The following PACS1 variants were observed in gnomAD, a reference collection of about 807,000 sequenced individuals.
PACS1 encodes the protein phosphofurin acidic cluster sorting protein 1.
PACS1 carries 24 observed loss-of-function variants against 115.0 expected under a neutral mutation model. The ratio of observed to expected loss-of-function variants is 0.21; its 90% CI spans 0.15 to 0.29. PACS1 has a LOEUF of 0.29. Ranked by LOEUF, PACS1 falls within the 10% of genes least tolerant of loss-of-function variation. The pLI, the probability that PACS1 is intolerant of heterozygous loss-of-function variation, is 1.00. For synonymous variants in PACS1, 453 were observed against 504.5 expected, an observed-to-expected ratio of 0.90 and a Z score of 1.37; for missense variants, 838 against 1,251.2, an observed-to-expected ratio of 0.67 and a Z score of 4.98.
intron 2 of PACS1, among the ~76,000 whole-genome samples, chr11:66,196,024 A>G (rs1393227746): frequency 5.3e-5 from 8 of 152,224 alleles, no homozygotes; most frequent in Admixed American, 2.0e-4. Flanking sequence ...AATGCCCCCA[A>G]TGTCCCAGAG....
At position 66,070,300 on chromosome 11, in the gene PACS1, G is replaced by A. The variant is rs2134485693; in HGVS notation, c.-187G>A. 5.5e-6 allele frequency: 1 copy of A among 181,144 alleles called. No homozygotes were observed. The highest frequency in any genetic ancestry group is 1.1e-5 in the Non-Finnish European group (1 of 90,326). The allele number at this position is 181,144 out of a possible 1,614,324, so 11.2% of individuals were successfully genotyped here. On this transcript the variant is annotated 5_prime_UTR_variant, in exon 1 of 24. Transcript: ENST00000320580. This position sits in a 1 kb window ranked among gnomAD's most constrained non-coding sequence, Gnocchi z 5.9. ...CGTGTCGGCCTCGCGAGCCGCAACA[G>A]GCAGCGGCGGTCGAGCGCGAGGCCC...
intron 1 of PACS1, among the ~76,000 whole-genome samples, chr11:66,094,695 A>G (rs1486958697): frequency 2.0e-5 from 3 of 152,172 alleles, no homozygotes; most frequent in Non-Finnish European, 4.4e-5. Context: ...AACTCATTTT[A>G]TGAGGCCAGC....
intron 1 of PACS1, among the ~76,000 whole-genome samples, chr11:66,072,874 G>A (rs1201186394): frequency 6.6e-6 from 1 of 152,230 alleles, no homozygotes; most frequent in African/African-American, 2.4e-5. Flanking sequence ...CTGCAGCAGA[G>A]GGGCGTGAAT....
intron 1 of PACS1, among the ~76,000 whole-genome samples, chr11:66,085,514 A>C (rs1246535367): frequency 1.3e-5 from 2 of 152,224 alleles, no homozygotes. Context: ...TGAAAATGAC[A>C]GCTGGGTTTT....
chr11:66,118,946 A>G (rs557749616), intron 1 of PACS1, among the ~76,000 whole-genome samples: 2 of 152,332 alleles, frequency 1.3e-5, no homozygotes, highest in South Asian at 4.1e-4. Context: ...AGACAATTGA[A>G]TAATCAACCA....
intron 1 of PACS1, among the ~76,000 whole-genome samples, chr11:66,168,657 A>G (rs1339491951): frequency 2.0e-5 from 3 of 150,224 alleles, no homozygotes; most frequent in Non-Finnish European, 4.4e-5. Context: ...ATAGGGGCAT[A>G]TAGTAAATGC....
chr11:66,220,351 A>G (rs563579984), intron 8 of PACS1: 1 of 432,736 alleles, frequency 2.3e-6, no homozygotes, highest in Admixed American at 3.8e-5. Flanking sequence ...GGGTAGGAAG[A>G]ACCCACATGG....
At chr11:66,194,926 C>CA (rs1854615811) in intron 2 of PACS1, among the ~76,000 whole-genome samples, 1 of 152,012 alleles carries the variant, frequency 6.6e-6, no homozygotes, top group African/African-American at 2.4e-5. Context: ...ATTTAGTTCT[C>CA]AAAACTTAAA....
chr11:66,135,597 G>A (rs555831362), intron 1 of PACS1, among the ~76,000 whole-genome samples: 3 of 151,632 alleles, frequency 2.0e-5, no homozygotes, highest in African/African-American at 7.3e-5. Flanking sequence ...CTGTGCACAG[G>A]TTCAGCATGT....
intron 1 of PACS1, among the ~76,000 whole-genome samples, chr11:66,128,844 A>G (rs1413483633): frequency 6.6e-6 from 1 of 151,204 alleles, no homozygotes; most frequent in South Asian, 2.1e-4. Context: ...AGATCGTGCC[A>G]CTGTACTCCA....
chr11:66,202,742 A>AAAAAATAT (rs1200930188), intron 2 of PACS1, among the ~76,000 whole-genome samples: 10 of 71,594 alleles, frequency 1.4e-4, no homozygotes, highest in African/African-American at 7.2e-4. Context: ...AAAAAAAAAA[A>AAAAAATAT]ATATATATAT....
At chr11:66,117,088 T>A (rs1389875740) in intron 1 of PACS1, among the ~76,000 whole-genome samples, 1 of 151,908 alleles carries the variant, frequency 6.6e-6, no homozygotes, top group Non-Finnish European at 1.5e-5. Flanking sequence ...TTAAAAACGA[T>A]GTGTATTATG....
Position 66,238,632 on chromosome 11 carries a change from C to T in PACS1, c.2251-172C>T, listed in dbSNP as rs536148026. The T allele has an allele frequency of 1.7e-5, 11 of 640,600 alleles. No individual in the cohort carries two copies. In the African/African-American group the frequency reaches 2.0e-4, roughly 12 times the overall value. The allele number at this position is 640,600 out of a possible 1,614,324, so 39.7% of individuals were successfully genotyped here. On this transcript the variant is annotated intron_variant, in intron 19 of 23. Coordinates refer to ENST00000320580, the MANE Select transcript of PACS1 (RefSeq NM_018026.4). ...TCTCCTATCTCAGCCTCCCAAAGTG[C>T]TGGGATTACAGGCATAAGCCACCAC...
chr11:66,075,988 T>C (rs1273572581), intron 1 of PACS1, among the ~76,000 whole-genome samples: 1 of 152,164 alleles, frequency 6.6e-6, no homozygotes, highest in Non-Finnish European at 1.5e-5. Flanking sequence ...CCACCTGCCT[T>C]GGCCTTCCAA....
intron 1 of PACS1, among the ~76,000 whole-genome samples, chr11:66,133,021 C>T (rs901726343): frequency 2.0e-5 from 3 of 152,064 alleles, no homozygotes; most frequent in Admixed American, 6.5e-5. Flanking sequence ...TACAGAGGGC[C>T]GACTGTAAAT....
At chr11:66,213,126 A>C (rs1034557401) in intron 4 of PACS1, among the ~76,000 whole-genome samples, 1 of 152,238 alleles carries the variant, frequency 6.6e-6, no homozygotes, top group African/African-American at 2.4e-5. Context: ...TGCTGGGATT[A>C]CAGGCGTGAG....
intron 1 of PACS1, among the ~76,000 whole-genome samples, chr11:66,156,832 G>A (rs1444619594): frequency 1.3e-5 from 2 of 149,906 alleles, no homozygotes; most frequent in Non-Finnish European, 3.0e-5. Flanking sequence ...CAGCCTGGGC[G>A]ACAGAGCGAG....
chr11:66,123,743 G>A (rs975422459), intron 1 of PACS1, among the ~76,000 whole-genome samples: 3 of 150,486 alleles, frequency 2.0e-5, no homozygotes, highest in African/African-American at 7.4e-5. Context: ...GGATGATCTC[G>A]ATCTCCTGAC....
intron 21 of PACS1, among the ~76,000 whole-genome samples, chr11:66,239,608 C>T (rs1449204921): frequency 6.6e-6 from 1 of 152,208 alleles, no homozygotes; most frequent in African/African-American, 2.4e-5. Flanking sequence ...CCCTGTTTCA[C>T]AGTATTGGGT....
Sources: allele counts gnomAD v4.1 joint callset (sites outside exome capture counted in the v4.1 genomes callset), GRCh38; gene constraint gnomAD v4.1.1; non-coding constraint Gnocchi (gnomAD v3.1); transcripts MANE v1.5; gene names NCBI Gene and HGNC (gene_info 2026-07-23, HGNC 2026-07-21).